The following MTHFD2L variants were observed in gnomAD, a reference collection of about 807,000 sequenced individuals.
MTHFD2L encodes the protein bifunctional methylenetetrahydrofolate dehydrogenase/cyclohydrolase 2, mitochondrial.
MTHFD2L carries 29 observed loss-of-function variants against 34.9 expected under a neutral mutation model. The observed-to-expected ratio is 0.83, with a 90% CI of 0.62 to 1.13. The LOEUF is 1.13. Ranked by LOEUF, MTHFD2L falls within the 50% of genes most tolerant of loss-of-function variation. The pLI is 0.00. For missense variants in MTHFD2L, 481 were observed against 446.5 expected (o/e 1.08, Z -0.70); for synonymous variants, 167 against 155.7 (o/e 1.07, Z -0.54).
intron 6 of MTHFD2L, among the ~76,000 whole-genome samples, chr4:74,277,891 C>G (rs1171837165): frequency 6.6e-6 from 1 of 151,984 alleles, no homozygotes; most frequent in Non-Finnish European, 1.5e-5. Flanking sequence ...GAGGGTTTCA[C>G]TGTGTGGTCA....
intron 1 of MTHFD2L, among the ~76,000 whole-genome samples, chr4:74,140,857 C>T (rs1233605258): frequency 6.6e-6 from 1 of 152,200 alleles, no homozygotes; most frequent in African/African-American, 2.4e-5. Context: ...ATGGGGTAAA[C>T]TGCCCCCACG....
At chr4:74,172,217 C>A (rs1445482769) in intron 1 of MTHFD2L, among the ~76,000 whole-genome samples, 1 of 152,130 alleles carries the variant, frequency 6.6e-6, no homozygotes, top group Non-Finnish European at 1.5e-5. Context: ...TTTAAAGGTG[C>A]ACCTGGAAAG....
chr4:74,252,393 A>G (rs1003650513), intron 6 of MTHFD2L, among the ~76,000 whole-genome samples: 2 of 152,168 alleles, frequency 1.3e-5, no homozygotes, highest in African/African-American at 2.4e-5. Flanking sequence ...AAAGACAAGG[A>G]CAAACAACAG....
At chr4:74,156,310 T>G (rs1052792824), upstream of MTHFD2L, among the ~76,000 whole-genome samples, 1 of 152,200 alleles carries the variant, frequency 6.6e-6, no homozygotes, top group South Asian at 2.1e-4. Flanking sequence ...TTTTATAGAA[T>G]GCCATATAAT....
intron 5 of MTHFD2L, among the ~76,000 whole-genome samples, chr4:74,221,120 C>CT (rs898006516): frequency 1.5e-4 from 22 of 149,250 alleles, no homozygotes; most frequent in South Asian, 4.2e-4. Flanking sequence ...TATGAAGGAT[C>CT]TTTTTTTTTC....
intron 1 of MTHFD2L, among the ~76,000 whole-genome samples, chr4:74,139,712 C>T (rs538095363): frequency 6.6e-6 from 1 of 152,116 alleles, no homozygotes; most frequent in East Asian, 1.9e-4. Flanking sequence ...TATTTGAATT[C>T]TGGGATATTG....
At chr4:74,217,188 T>C (rs896910716) in intron 5 of MTHFD2L, among the ~76,000 whole-genome samples, 2 of 151,848 alleles carry the variant, frequency 1.3e-5, no homozygotes, top group Non-Finnish European at 2.9e-5. Flanking sequence ...AAATGCTTTT[T>C]TTCCTCAAGT....
At chr4:74,285,125 G>A (rs1209248000) in intron 7 of MTHFD2L, among the ~76,000 whole-genome samples, 1 of 151,794 alleles carries the variant, frequency 6.6e-6, no homozygotes. Context: ...TCATTCATAG[G>A]TGGGAACTGA....
chr4:74,299,318 A>G (rs1017318579), intron 7 of MTHFD2L, among the ~76,000 whole-genome samples: 2 of 151,814 alleles, frequency 1.3e-5, no homozygotes, highest in African/African-American at 4.8e-5. Context: ...TTACAAATAT[A>G]TGACTTTGTG....
intron 1 of MTHFD2L, among the ~76,000 whole-genome samples, chr4:74,170,739 C>A (rs1468321778): frequency 6.6e-6 from 1 of 151,682 alleles, no homozygotes; most frequent in African/African-American, 2.4e-5. Context: ...AAATGTCCAA[C>A]AACGAAAGAC....
At chr4:74,276,701 AT>A (rs1746695220) in intron 6 of MTHFD2L, among the ~76,000 whole-genome samples, 1 of 152,284 alleles carries the variant, frequency 6.6e-6, no homozygotes, top group Admixed American at 6.5e-5. Context: ...ATCTATAAAA[AT>A]ACACTGATTG....
chr4:74,182,287 G>C (rs1388624611), intron 3 of MTHFD2L, among the ~76,000 whole-genome samples: 1 of 152,042 alleles, frequency 6.6e-6, no homozygotes, highest in African/African-American at 2.4e-5. Context: ...TAGTTTTTCA[G>C]CACCACTTTT....
chr4:74,299,615 A>G (rs943100368), intron 7 of MTHFD2L, among the ~76,000 whole-genome samples: 1 of 152,070 alleles, frequency 6.6e-6, no homozygotes, highest in East Asian at 1.9e-4. Context: ...AGCTTAAACT[A>G]AATTGATATT....
chr4:74,230,591 GAAA>G (rs11324931), intron 6 of MTHFD2L, among the ~76,000 whole-genome samples: 1 of 128,970 alleles, frequency 7.8e-6, no homozygotes. Flanking sequence ...CTCTGTCTCA[GAAA>G]AAAAAAAAAA....
At chr4:74,124,601 C>T (rs1484639192), upstream of MTHFD2L, among the ~76,000 whole-genome samples, 1 of 151,910 alleles carries the variant, frequency 6.6e-6, no homozygotes, top group East Asian at 1.9e-4. Context: ...TTTGTAGCAA[C>T]CTGTTTCGTT....
At chr4:74,181,252 A>G (rs1399794151) in intron 3 of MTHFD2L, among the ~76,000 whole-genome samples, 1 of 152,160 alleles carries the variant, frequency 6.6e-6, no homozygotes, top group Admixed American at 6.6e-5. Flanking sequence ...TATCAACTCA[A>G]TGAAATTTTA....
intron 2 of MTHFD2L, among the ~76,000 whole-genome samples, 197 bp from the exon 3 acceptor site, chr4:74,175,084 C>T (rs749386101): frequency 9.9e-5 from 15 of 152,144 alleles, no homozygotes; most frequent in Admixed American, 6.6e-4. Context: ...TACAAATTGT[C>T]ACCTGGCATT....
At chr4:74,281,314 A>G in intron 6 of MTHFD2L, 111 bp from the exon 7 acceptor site, 1 of 762,220 alleles carries the variant, frequency 1.3e-6, no homozygotes, top group Non-Finnish European at 1.8e-6. Context: ...GGAACAATGT[A>G]TTACACATAC....
At chr4:74,247,098 T>A (rs1742583797) in intron 6 of MTHFD2L, among the ~76,000 whole-genome samples, 1 of 149,258 alleles carries the variant, frequency 6.7e-6, no homozygotes, top group African/African-American at 2.5e-5. Context: ...ATATTGATTC[T>A]TCCTACCCAT....
Sources: gnomAD v4.1 joint callset for allele counts (sites outside exome capture counted in the v4.1 genomes callset) on GRCh38, gnomAD v4.1.1 for gene constraint, MANE v1.5 for transcripts, NCBI Gene and HGNC (gene_info 2026-07-23, HGNC 2026-07-21) for gene names.